Variants in PMFBP1 observed in about 807,000 individuals in gnomAD.
The protein encoded by PMFBP1 is polyamine-modulated factor 1-binding protein 1.
Under a neutral mutation model 137.8 loss-of-function variants are expected in PMFBP1, and 131 were observed. That is an observed-to-expected ratio of 0.95 (90% CI 0.82 to 1.10). The LOEUF (loss-of-function observed/expected upper bound fraction) is 1.10, where lower values mean the gene tolerates loss of function less well. PMFBP1 is among the 50% of genes least tolerant of loss of function. PMFBP1 has a pLI of 0.00. For synonymous variants in PMFBP1, 490 were observed against 450.4 expected (o/e 1.09, Z -1.11); for missense variants, 1,199 against 1,175.4 (o/e 1.02, Z -0.29).
At chr16:72,165,350 T>C (rs2043129507) in intron 2 of PMFBP1, among the ~76,000 whole-genome samples, 1 of 152,056 alleles carries the variant, frequency 6.6e-6, no homozygotes, top group Non-Finnish European at 1.5e-5. Flanking sequence ...CTCTTACCTT[T>C]CTCTTCTACC....
At chr16:72,168,429 G>A (rs984076927) in intron 2 of PMFBP1, among the ~76,000 whole-genome samples, 14 of 152,214 alleles carry the variant, frequency 9.2e-5, no homozygotes, top group Admixed American at 8.5e-4. Flanking sequence ...GATATTAGCT[G>A]TAAACTATTT....
the PMFBP1 span, among the ~76,000 whole-genome samples, chr16:72,201,947 G>C: frequency 1.3e-5 from 2 of 152,176 alleles, no homozygotes; most frequent in African/African-American, 2.4e-5. Context: ...TGAAGTAACT[G>C]TCCCATCCTG....
Position 72,161,557 on chromosome 16 carries a change from C to A in PMFBP1, c.165+3207G>T, listed in dbSNP as rs952912488. Among the ~76,000 whole-genome samples, 7 of 151,882 alleles carry A rather than the reference C, an allele frequency of 4.6e-5. 1 individual carries two copies. On this transcript the variant is annotated intron_variant, in intron 3 of 20. Coordinates refer to ENST00000237353, the MANE Select transcript of PMFBP1 (RefSeq NM_031293.3). ...TAGTGACTTCTGCTTGCCTGACATT[C>A]ACTTTAAAAAAAGTATTTTAGAATA...
the PMFBP1 span, among the ~76,000 whole-genome samples, chr16:72,240,040 G>C: frequency 3.7e-4 from 57 of 152,206 alleles, no homozygotes; most frequent in African/African-American, 1.3e-3. Context: ...TAAGCACCAG[G>C]GAAATATTTT....
At chr16:72,211,855 G>A in the PMFBP1 span, among the ~76,000 whole-genome samples, 1 of 152,042 alleles carries the variant, frequency 6.6e-6, no homozygotes, top group Admixed American at 6.6e-5. Context: ...AAATTAGCTG[G>A]GTATGGTGGT....
At chr16:72,237,859 C>T in the PMFBP1 span, among the ~76,000 whole-genome samples, 2 of 152,140 alleles carry the variant, frequency 1.3e-5, no homozygotes, top group African/African-American at 2.4e-5. Flanking sequence ...CATGTGTTCT[C>T]ATCATTTAGA....
chr16:72,166,142 G>A (rs1264233144), intron 2 of PMFBP1, among the ~76,000 whole-genome samples: 2 of 152,138 alleles, frequency 1.3e-5, no homozygotes, highest in Non-Finnish European at 2.9e-5. Flanking sequence ...TCAGTACATG[G>A]TTTGGCTCCA....
At chr16:72,159,782 C>T (rs1247756160) in intron 3 of PMFBP1, among the ~76,000 whole-genome samples, 1 of 145,294 alleles carries the variant, frequency 6.9e-6, no homozygotes, top group Non-Finnish European at 1.5e-5. Flanking sequence ...AACTTATTTC[C>T]TATTGCTTCT....
chr16:72,186,361 T>C, the PMFBP1 span, among the ~76,000 whole-genome samples: 1 of 152,190 alleles, frequency 6.6e-6, no homozygotes, highest in East Asian at 1.9e-4. Context: ...AAAGATTTTA[T>C]GGAGATAGTT....
intron 2 of PMFBP1, among the ~76,000 whole-genome samples, chr16:72,168,319 T>A (rs550502708): frequency 6.6e-6 from 1 of 152,162 alleles, no homozygotes; most frequent in Middle Eastern, 3.2e-3. Context: ...TTTTTAATTA[T>A]AGGGAGTTAT....
At chr16:72,164,305 G>A in intron 3 of PMFBP1, 1 of 874,104 alleles carries the variant, frequency 1.1e-6, no homozygotes, top group Non-Finnish European at 1.6e-6. Context: ...CAGAAGAAAA[G>A]CTTGCAGGCA....
At chr16:72,124,463 A>G (rs1006771523) in intron 17 of PMFBP1, among the ~76,000 whole-genome samples, 1 of 152,244 alleles carries the variant, frequency 6.6e-6, no homozygotes, top group Non-Finnish European at 1.5e-5. Flanking sequence ...CAGGGCTGCC[A>G]AAAGTGTCAG....
At chr16:72,245,720 G>C in the PMFBP1 span, among the ~76,000 whole-genome samples, 17 of 152,098 alleles carry the variant, frequency 1.1e-4, no homozygotes, top group Non-Finnish European at 2.4e-4. Flanking sequence ...GGATGCCCCG[G>C]TCTGTACGGT....
chr16:72,238,538 T>C, the PMFBP1 span, among the ~76,000 whole-genome samples: 1 of 152,134 alleles, frequency 6.6e-6, no homozygotes, highest in Non-Finnish European at 1.5e-5. Flanking sequence ...TTCCTTATAG[T>C]CTATATGTCA....
chr16:72,228,881 G>A, the PMFBP1 span, among the ~76,000 whole-genome samples: 3 of 150,038 alleles, frequency 2.0e-5, no homozygotes, highest in Admixed American at 6.6e-5. Context: ...TTAGGTTCGG[G>A]GGTACATGTG....
chr16:72,186,129 T>G, the PMFBP1 span, among the ~76,000 whole-genome samples: 5 of 152,176 alleles, frequency 3.3e-5, no homozygotes, highest in Admixed American at 3.3e-4. Flanking sequence ...AAGCTCTTTC[T>G]TACATAGACT....
chr16:72,122,920 T>C lies in PMFBP1; in HGVS notation c.2762A>G (p.Glu921Gly). The C allele has an allele frequency of 6.2e-7, 1 of 1,613,218 alleles. No individual in the cohort carries two copies. Among genetic ancestry groups the C allele is most frequent in the Non-Finnish European group, 8.5e-7 (1 of 1,179,866 alleles). Residue 921 changes from glutamate to glycine, a missense_variant, in exon 19 of 21, where the codon GAA (glutamate) becomes GGA (glycine). Physicochemically the swap from Glu to Gly is moderately conservative, Grantham distance 98. Transcript: ENST00000237353. ...QVKYIAKLSG[E>G]KDHLHSVMVH... Reference sequence around the variant, plus strand: ...GTGGTTTAAGATGACTTACTCCTTTTCGCCACTCAGCTTGGCAATGTATTT... The same window carrying C: ...GTGGTTTAAGATGACTTACTCCTTTCCGCCACTCAGCTTGGCAATGTATTT...
intron 4 of PMFBP1, among the ~76,000 whole-genome samples, chr16:72,151,489 T>A (rs1186547309): frequency 1.3e-5 from 2 of 152,206 alleles, no homozygotes; most frequent in Non-Finnish European, 2.9e-5. Context: ...TTAAAATGAA[T>A]AAACAGCTGT....
chr16:72,212,314 A>G, the PMFBP1 span, among the ~76,000 whole-genome samples: 4 of 152,180 alleles, frequency 2.6e-5, no homozygotes, highest in African/African-American at 9.6e-5. Flanking sequence ...CCCAGAAATT[A>G]TAGCAAGATG....
Sources: gnomAD v4.1 joint callset for allele counts (sites outside exome capture counted in the v4.1 genomes callset) on GRCh38, gnomAD v4.1.1 for gene constraint, MANE v1.5 for transcripts, NCBI Gene and HGNC (gene_info 2026-07-23, HGNC 2026-07-21) for gene names.